GRAMD2B: variants seen among roughly 807,000 people sequenced by gnomAD.
GRAMD2B encodes the protein GRAM domain containing 2B.
Under a neutral mutation model 59.2 loss-of-function variants are expected in GRAMD2B, and 41 were observed. The observed-to-expected ratio is 0.69, with a 90% CI of 0.54 to 0.90. The LOEUF (loss-of-function observed/expected upper bound fraction) is 0.90. Ranked by LOEUF, GRAMD2B falls within the 40% of genes least tolerant of loss-of-function variation. The pLI, the probability that GRAMD2B is intolerant of heterozygous loss-of-function variation, is 0.00. For missense variants in GRAMD2B, 424 were observed against 500.5 expected (o/e 0.85, Z 1.46); for synonymous variants, 161 against 182.7 (o/e 0.88, Z 0.96).
At chr5:126,378,230 G>A (rs1185836501) in intron 1 of GRAMD2B, among the ~76,000 whole-genome samples, 3 of 151,412 alleles carry the variant, frequency 2.0e-5, no homozygotes, top group Non-Finnish European at 2.9e-5. Flanking sequence ...TTTTTCTAGA[G>A]AAAAAAAACT....
chr5:126,399,262 A>G (rs1003454490), intron 1 of GRAMD2B, among the ~76,000 whole-genome samples: 2 of 152,136 alleles, frequency 1.3e-5, no homozygotes, highest in Admixed American at 6.6e-5. Flanking sequence ...TTTGCTTTAT[A>G]TAATATATTT....
intron 1 of GRAMD2B, chr5:126,458,643 A>T (rs1766786707): frequency 6.6e-6 from 1 of 152,210 alleles, no homozygotes; most frequent in South Asian, 2.1e-4. Context: ...ACGGTTATAT[A>T]TAACTAGTTA....
chr5:126,465,791 G>T (rs562846647), intron 2 of GRAMD2B, among the ~76,000 whole-genome samples: 3 of 152,326 alleles, frequency 2.0e-5, no homozygotes, highest in South Asian at 2.1e-4. Context: ...TGAGGCCAGG[G>T]TGGACCCCTC....
chr5:126,473,615 T>C (rs1045741193), intron 5 of GRAMD2B, among the ~76,000 whole-genome samples: 1 of 152,182 alleles, frequency 6.6e-6, no homozygotes, highest in Non-Finnish European at 1.5e-5. Context: ...TATATACACA[T>C]GTACCTCACC....
At chr5:126,465,379 A>T (rs1487791950) in intron 1 of GRAMD2B, 47 bp from the exon 2 acceptor site, 1 of 1,610,212 alleles carries the variant, frequency 6.2e-7, no homozygotes, top group Non-Finnish European at 8.5e-7. Context: ...CCTTCCAGCT[A>T]CCTCTCTCTG....
chr5:126,469,963 C>T (rs902232015), intron 3 of GRAMD2B, among the ~76,000 whole-genome samples, 175 bp downstream of exon 3: 3 of 152,140 alleles, frequency 2.0e-5, no homozygotes, highest in Admixed American at 6.5e-5. Context: ...TTTTCAGCAA[C>T]GTTATATTCC....
chr5:126,438,295 C>T (rs1416006679), intron 1 of GRAMD2B, among the ~76,000 whole-genome samples: 2 of 152,082 alleles, frequency 1.3e-5, no homozygotes, highest in African/African-American at 2.4e-5. Context: ...TACATAACCT[C>T]GGAGAAACAG....
At chr5:126,438,045 C>A (rs1432016880) in intron 1 of GRAMD2B, among the ~76,000 whole-genome samples, 1 of 152,186 alleles carries the variant, frequency 6.6e-6, no homozygotes, top group African/African-American at 2.4e-5. Context: ...ATCTCCTATC[C>A]ATCCCTTGCC....
intron 1 of GRAMD2B, among the ~76,000 whole-genome samples, chr5:126,451,201 T>A (rs1468663682): frequency 6.6e-6 from 1 of 152,256 alleles, no homozygotes; most frequent in African/African-American, 2.4e-5. Context: ...GTGAGCTCCA[T>A]AACTTGATCT....
intron 1 of GRAMD2B, among the ~76,000 whole-genome samples, chr5:126,415,387 C>T (rs1472385318): frequency 6.6e-6 from 1 of 152,146 alleles, no homozygotes; most frequent in Non-Finnish European, 1.5e-5. Flanking sequence ...GTTTCTTCTA[C>T]TGGACTGCAA....
At chr5:126,407,758 C>A (rs2149750420) in intron 1 of GRAMD2B, among the ~76,000 whole-genome samples, 1 of 151,924 alleles carries the variant, frequency 6.6e-6, no homozygotes, top group East Asian at 1.9e-4. Flanking sequence ...TAAAGGAGGG[C>A]AATATTCTCA....
chr5:126,363,050 T>C (rs1580659676), intron 1 of GRAMD2B, among the ~76,000 whole-genome samples: 1 of 152,186 alleles, frequency 6.6e-6, no homozygotes, highest in East Asian at 1.9e-4. Context: ...TATGAAATGA[T>C]AGAAAATATT....
intron 1 of GRAMD2B, among the ~76,000 whole-genome samples, chr5:126,443,247 A>G (rs995887110): frequency 9.9e-5 from 15 of 152,220 alleles, no homozygotes; most frequent in African/African-American, 3.1e-4. Flanking sequence ...TACAAGTCCC[A>G]TGCCTAAATC....
At chr5:126,380,246 A>G (rs1755548574) in intron 1 of GRAMD2B, among the ~76,000 whole-genome samples, 1 of 151,932 alleles carries the variant, frequency 6.6e-6, no homozygotes, top group Non-Finnish European at 1.5e-5. Context: ...TGCATTTTTT[A>G]TTCTGCTCCA....
At chr5:126,374,346 CT>C (rs1561457680) in intron 1 of GRAMD2B, among the ~76,000 whole-genome samples, 1 of 152,116 alleles carries the variant, frequency 6.6e-6, no homozygotes, top group East Asian at 1.9e-4. Flanking sequence ...GTTTAGTGGT[CT>C]TTTTTTGTTT....
At chr5:126,424,010 A>G (rs1038011352) in intron 1 of GRAMD2B, among the ~76,000 whole-genome samples, 1 of 152,272 alleles carries the variant, frequency 6.6e-6, no homozygotes, top group Non-Finnish European at 1.5e-5. Context: ...CCCTTCGTTT[A>G]GAATGACCAT....
intron 1 of GRAMD2B, among the ~76,000 whole-genome samples, chr5:126,405,588 T>A (rs963673022): frequency 9.2e-5 from 14 of 152,092 alleles, no homozygotes; most frequent in African/African-American, 3.4e-4. Flanking sequence ...GTCCTTGAAT[T>A]CACCTAAGTC....
chr5:126,480,676 T>C lies in GRAMD2B; in HGVS notation c.704T>C (p.Phe235Ser), dbSNP rs1470148214. Residue 235 changes from phenylalanine to serine, a missense_variant, in exon 8 of 14, where the codon TTC becomes TCC. Transcript: ENST00000285689. ...AATCCATCTTCTGCTGAAAACAGTT[T>C]CCGAGCAGACCGCCCTTCATCTCTG... ...SPNPSSAENS[F>S]RADRPSSLPL... The C allele has an allele frequency of 6.2e-7, 1 of 1,614,028 alleles. No individual in the cohort carries two copies. The highest frequency in any genetic ancestry group is 8.5e-7 in the Non-Finnish European group (1 of 1,180,000).
chr5:126,392,236 T>C (rs1756876737), intron 1 of GRAMD2B, among the ~76,000 whole-genome samples: 1 of 152,162 alleles, frequency 6.6e-6, no homozygotes, highest in South Asian at 2.1e-4. Flanking sequence ...AGAGATTCAC[T>C]AGAAGGACTC....
Sources: allele counts gnomAD v4.1 joint callset (sites outside exome capture counted in the v4.1 genomes callset), GRCh38; gene constraint gnomAD v4.1.1; transcripts MANE v1.5; gene names NCBI Gene and HGNC (gene_info 2026-07-23, HGNC 2026-07-21).